Variants in ABTB3 observed in about 807,000 individuals in gnomAD.
ABTB3 encodes the protein ankyrin repeat and BTB domain containing 3, also known as ankyrin repeat- and BTB/POZ domain-containing protein 3.
At chr12:107,448,975 A>G in the ABTB3 span, among the ~76,000 whole-genome samples, 1 of 152,250 alleles carries the variant, frequency 6.6e-6, no homozygotes, top group Non-Finnish European at 1.5e-5. Context: ...GCATCTGGAA[A>G]AGCATGAATG....
chr12:107,487,193 C>T, the ABTB3 span, among the ~76,000 whole-genome samples: 1 of 152,134 alleles, frequency 6.6e-6, no homozygotes, highest in Non-Finnish European at 1.5e-5. Context: ...TGACCATGAG[C>T]TTTTAGAGAC....
At chr12:107,490,340 GC>G in the ABTB3 span, among the ~76,000 whole-genome samples, 1 of 152,158 alleles carries the variant, frequency 6.6e-6, no homozygotes, top group Admixed American at 6.5e-5. Context: ...CAGCTCAACT[GC>G]CATCATTGTG....
At chr12:107,319,821 G>A in the ABTB3 span, 2 of 1,267,392 alleles carry the variant, frequency 1.6e-6, no homozygotes, top group Middle Eastern at 2.9e-4. Context: ...CCCGGGGGAG[G>A]AGCGGCGAGC....
chr12:107,561,736 G>A, the ABTB3 span, among the ~76,000 whole-genome samples: 16 of 152,160 alleles, frequency 1.1e-4, no homozygotes, highest in East Asian at 3.9e-4. Context: ...CGCTCTCCCC[G>A]TTCATGTATT....
chr12:107,543,936 T>C, the ABTB3 span: 2 of 1,612,006 alleles, frequency 1.2e-6, no homozygotes, highest in East Asian at 4.5e-5. Context: ...TGTCCACAGG[T>C]GACCTGGTGT....
the ABTB3 span, among the ~76,000 whole-genome samples, chr12:107,569,493 A>G: frequency 6.6e-6 from 1 of 152,230 alleles, no homozygotes; most frequent in Non-Finnish European, 1.5e-5. Context: ...CCTTTAAGTG[A>G]ACAAAAACAA....
chr12:107,494,419 A>C, the ABTB3 span, among the ~76,000 whole-genome samples: 5 of 152,166 alleles, frequency 3.3e-5, no homozygotes, highest in Admixed American at 2.0e-4. Flanking sequence ...AGGAGGTAGG[A>C]GCTGGTCAGG....
chr12:107,594,218 C>G, the ABTB3 span, among the ~76,000 whole-genome samples: 1 of 152,182 alleles, frequency 6.6e-6, no homozygotes, highest in Non-Finnish European at 1.5e-5. Flanking sequence ...CACATGACAA[C>G]ACATTCAGAC....
chr12:107,584,176 T>C, the ABTB3 span, among the ~76,000 whole-genome samples: 1 of 152,272 alleles, frequency 6.6e-6, no homozygotes, highest in Non-Finnish European at 1.5e-5. Context: ...TAGGAATTAC[T>C]GTCTCCATTT....
At chr12:107,544,183 T>A in the ABTB3 span, 1 of 1,583,828 alleles carries the variant, frequency 6.3e-7, no homozygotes, top group Non-Finnish European at 8.6e-7. Context: ...GGGTACTGCC[T>A]CCAGGGTGGG....
chr12:107,510,127 T>C, the ABTB3 span, among the ~76,000 whole-genome samples: 13 of 152,228 alleles, frequency 8.5e-5, no homozygotes, highest in South Asian at 2.7e-3. Context: ...CCCGGCCAGG[T>C]CCGTCCGATG....
chr12:107,385,664 T>C, the ABTB3 span, among the ~76,000 whole-genome samples: 3 of 152,242 alleles, frequency 2.0e-5, no homozygotes, highest in East Asian at 5.8e-4. Context: ...CCCACCTAGG[T>C]CCTTGCCCAG....
the ABTB3 span, among the ~76,000 whole-genome samples, chr12:107,461,497 C>A: frequency 6.6e-6 from 1 of 152,152 alleles, no homozygotes; most frequent in Admixed American, 6.5e-5. Context: ...TCCCTCAGAG[C>A]CTCTGGAAGG....
the ABTB3 span, among the ~76,000 whole-genome samples, chr12:107,475,589 C>T: frequency 6.6e-6 from 1 of 152,218 alleles, no homozygotes; most frequent in Non-Finnish European, 1.5e-5. Flanking sequence ...GCACTGCAAA[C>T]CCCAGGAGCA....
chr12:107,612,612 T>C, the ABTB3 span, among the ~76,000 whole-genome samples: 1 of 152,222 alleles, frequency 6.6e-6, no homozygotes, highest in African/African-American at 2.4e-5. Context: ...GGTTTCCACA[T>C]GTGGAGGGTT....
the ABTB3 span, among the ~76,000 whole-genome samples, chr12:107,389,854 G>T: frequency 4.1e-5 from 3 of 73,242 alleles, no homozygotes; most frequent in Non-Finnish European, 9.8e-5. Context: ...GTTTGTGTGT[G>T]TGTGTGTGTG....
At chr12:107,409,181 G>A in the ABTB3 span, among the ~76,000 whole-genome samples, 1 of 152,210 alleles carries the variant, frequency 6.6e-6, no homozygotes, top group Non-Finnish European at 1.5e-5. Flanking sequence ...CAGCTGTCAT[G>A]CTGTGAGAGA....
At chr12:107,427,271 T>C in the ABTB3 span, among the ~76,000 whole-genome samples, 1 of 150,954 alleles carries the variant, frequency 6.6e-6, no homozygotes, top group South Asian at 2.1e-4. Flanking sequence ...CTTCTGACCC[T>C]CCTGTGTCCC....
chr12:107,319,883 G>A, the ABTB3 span: 4 of 1,312,298 alleles, frequency 3.0e-6, no homozygotes, highest in Non-Finnish European at 4.0e-6. Flanking sequence ...CAGCTGTTGC[G>A]CCCCGCCGGC....
Sources: allele counts gnomAD v4.1 joint callset (sites outside exome capture counted in the v4.1 genomes callset), GRCh38; gene constraint gnomAD v4.1.1; transcripts MANE v1.5; gene names NCBI Gene and HGNC (gene_info 2026-07-23, HGNC 2026-07-21).